Variants in SSX2IP observed in about 807,000 individuals in gnomAD.
The protein encoded by SSX2IP is afadin- and alpha-actinin-binding protein.
In SSX2IP, 55 loss-of-function variants were observed where a neutral mutation model predicts 84.9. The ratio of observed to expected loss-of-function variants is 0.65; its 90% confidence interval spans 0.52 to 0.81. The LOEUF (loss-of-function observed/expected upper bound fraction) is 0.81. Ranked by LOEUF, SSX2IP falls within the 30% of genes least tolerant of loss-of-function variation. The probability of loss-of-function intolerance (pLI) is 0.00; values close to 1 mark genes in which losing one functional copy is unlikely to be tolerated. For missense variants in SSX2IP, 664 were observed against 705.2 expected, an observed-to-expected ratio of 0.94 and a Z score of 0.66; for synonymous variants, 239 against 234.7, an observed-to-expected ratio of 1.02 and a Z score of -0.17.
chr1:84,654,947 G>T (rs1650858725), intron 11 of SSX2IP, among the ~76,000 whole-genome samples: 1 of 152,058 alleles, frequency 6.6e-6, no homozygotes. Flanking sequence ...TCACTGCAGG[G>T]ATGAACTGAT....
chr1:84,645,433 T>G lies in SSX2IP; in HGVS notation c.*2000A>C, dbSNP rs1649350271. ...GCTGTTTCTTTCACACTTTAGATTT[T>G]AAAAGTACGTCTCAAGGAATCTTTC... On this transcript the variant is annotated 3_prime_UTR_variant, in exon 14 of 14. Transcript: ENST00000342203. 1 of 152,196 alleles carries G rather than the reference T, an allele frequency of 6.6e-6. No homozygotes were observed. Among genetic ancestry groups the G allele is most frequent in the African/African-American group, 2.4e-5 (1 of 41,450 alleles). The allele number at this position is 152,196 out of a possible 1,614,324, so 9.4% of individuals were successfully genotyped here.
intron 6 of SSX2IP, among the ~76,000 whole-genome samples, chr1:84,663,922 GGAAA>G (rs1652398089): frequency 6.6e-6 from 1 of 151,962 alleles, no homozygotes; most frequent in African/African-American, 2.4e-5. Context: ...ACTACTATTA[GGAAA>G]AAAGTATACC....
intron 1 of SSX2IP, among the ~76,000 whole-genome samples, chr1:84,676,803 A>ATCTCAGCC (rs1654415706): frequency 7.4e-6 from 1 of 135,582 alleles, no homozygotes; most frequent in South Asian, 2.3e-4. Flanking sequence ...GCTCAATGCT[A>ATCTCAGCC]TCTCAGCCTC....
intron 13 of SSX2IP, chr1:84,650,133 T>C: frequency 1.6e-6 from 1 of 617,468 alleles, no homozygotes; most frequent in East Asian, 2.7e-5. Context: ...TCATATGATT[T>C]ACCTCCAAGA....
chr1:84,651,999 T>C lies in SSX2IP; in HGVS notation c.1390-2A>G. The C allele has an allele frequency of 6.2e-7, 1 of 1,603,580 alleles. No individual in the cohort carries two copies. Among genetic ancestry groups the C allele is most frequent in the South Asian group, 1.1e-5 (1 of 90,752 alleles). ...TCTTTCTTCTTCAAATGCCTTTCTC[T>C]ACCATAAACAGCCAAAGAAATAATG... On this transcript the variant is annotated splice_acceptor_variant, in intron 11 of 13. Transcript: ENST00000342203. LOFTEE classifies it high-confidence loss of function.
At chr1:84,660,654 A>G (rs895719887) in intron 8 of SSX2IP, among the ~76,000 whole-genome samples, 7 of 151,938 alleles carry the variant, frequency 4.6e-5, no homozygotes, top group African/African-American at 1.7e-4. Context: ...AATCCCAGCT[A>G]CTCTGGAGGC....
chr1:84,689,741 CGTT>C (rs1656318779), intron 1 of SSX2IP, among the ~76,000 whole-genome samples: 2 of 152,196 alleles, frequency 1.3e-5, no homozygotes. Flanking sequence ...AGTTTACTGT[CGTT>C]GACTATAAAA....
At chr1:84,664,734 A>G (rs1240249436) in intron 5 of SSX2IP, among the ~76,000 whole-genome samples, 182 bp from the exon 6 acceptor site, 2 of 152,082 alleles carry the variant, frequency 1.3e-5, no homozygotes, top group Non-Finnish European at 2.9e-5. Flanking sequence ...TTAATTCTGA[A>G]ATTTCCAGAA....
chr1:84,664,274 T>C (rs1319578836), intron 6 of SSX2IP, 143 bp downstream of exon 6: 7 of 864,200 alleles, frequency 8.1e-6, no homozygotes, highest in Middle Eastern at 3.9e-4. Flanking sequence ...ACATTTTTTA[T>C]ATAAACAAAC....
At chr1:84,650,288 T>C in intron 13 of SSX2IP, 74 bp downstream of exon 13, 1 of 1,443,672 alleles carries the variant, frequency 6.9e-7, no homozygotes, top group Non-Finnish European at 9.8e-7. Context: ...ACTACAGACA[T>C]GCCACCTTTC....
At chr1:84,650,102 T>A in intron 13 of SSX2IP, 1 of 619,292 alleles carries the variant, frequency 1.6e-6, no homozygotes, top group Non-Finnish European at 2.9e-6. Context: ...GTATCTTAAA[T>A]GTGAAATAAA....
chr1:84,673,403 A>G (rs1355331163), intron 1 of SSX2IP, among the ~76,000 whole-genome samples: 4 of 152,228 alleles, frequency 2.6e-5, no homozygotes, highest in African/African-American at 9.6e-5. Flanking sequence ...GTTAACGATG[A>G]AAAACAGAGA....
Position 84,666,240 on chromosome 1 carries a change from A to T in SSX2IP, c.427-8T>A. ...GGAGGTTTCCAGTTGTTCCTAAAAC[A>T]TTTATAAGCAATTTTGCTTAAAATT... On this transcript the variant is annotated splice_polypyrimidine_tract_variant and splice_region_variant and intron_variant, in intron 4 of 13. Coordinates refer to ENST00000342203, the MANE Select transcript of SSX2IP (RefSeq NM_001166293.2). 1.3e-6 allele frequency: 2 copies of T among 1,599,438 alleles called. No individual in the cohort carries two copies. Among genetic ancestry groups the T allele is most frequent in the Non-Finnish European group, 1.7e-6 (2 of 1,171,718 alleles).
intron 10 of SSX2IP, 130 bp from the exon 11 acceptor site, chr1:84,656,135 A>T: frequency 9.9e-7 from 1 of 1,013,020 alleles, no homozygotes; most frequent in Non-Finnish European, 1.4e-6. Flanking sequence ...AAAAAGTCAA[A>T]TGAGAATTCT....
intron 3 of SSX2IP, 74 bp downstream of exon 3, chr1:84,670,572 G>T: frequency 9.0e-7 from 1 of 1,105,180 alleles, no homozygotes; most frequent in South Asian, 2.0e-5. Context: ...TTTGACAAAT[G>T]TTTTTCTCAT....
chr1:84,667,055 A>T (rs2911567), intron 4 of SSX2IP, among the ~76,000 whole-genome samples: 3 of 151,654 alleles, frequency 2.0e-5, no homozygotes, highest in Admixed American at 1.3e-4. Flanking sequence ...GTTTTTGGCA[A>T]CCTTTTTTTT....
Position 84,644,603 on chromosome 1 carries a change from C to G in SSX2IP, c.*2830G>C, listed in dbSNP as rs1263068346. 6.6e-6 allele frequency: 1 copy of G among 152,204 alleles called. No individual in the cohort carries two copies. The highest frequency in any genetic ancestry group is 1.9e-4 in the East Asian group (1 of 5,206). 9.4% of individuals were successfully genotyped at this position (152,204 alleles called of 1,614,324 possible). A position where few individuals can be genotyped will look rare whatever the true frequency, so the allele number is the denominator to read the frequency against. ...TACAACATAGTAATCACAGCAGGGT[C>G]TTGCTAACTCACAAATTTAGCATAC... On this transcript the variant is annotated 3_prime_UTR_variant, in exon 14 of 14. Coordinates refer to ENST00000342203, the MANE Select transcript of SSX2IP (RefSeq NM_001166293.2).
rs751496134 is a variant in SSX2IP at position 84,670,825 on chromosome 1, T to A, written c.44-10A>T. 10 of 1,594,540 alleles carry A rather than the reference T, an allele frequency of 6.3e-6. No homozygotes were observed. Among genetic ancestry groups the A allele is most frequent in the Non-Finnish European group, 8.5e-7 (1 of 1,171,096 alleles). ...GAGATAGTTTTGCTTTCTGAAAGAA[T>A]AAAAGGCATCTATATAAATAATTTA... On this transcript the variant is annotated splice_polypyrimidine_tract_variant and intron_variant, in intron 2 of 13. Coordinates refer to ENST00000342203, the MANE Select transcript of SSX2IP (RefSeq NM_001166293.2).
At position 84,647,364 on chromosome 1, in the gene SSX2IP, C is replaced by G; in HGVS notation, c.*69G>C. The G allele has an allele frequency of 7.3e-7, 1 of 1,377,688 alleles. No individual in the cohort carries two copies. The highest frequency in any genetic ancestry group is 9.8e-7 in the Non-Finnish European group (1 of 1,023,922). The allele number at this position is 1,377,688 out of a possible 1,614,324, so 85.3% of individuals were successfully genotyped here. ...TTATTAGAGATAACTGACTTTATGA[C>G]ACACCCTGTTTCAACTTAGATGTGA... On this transcript the variant is annotated 3_prime_UTR_variant, in exon 14 of 14. Coordinates refer to ENST00000342203, the MANE Select transcript of SSX2IP (RefSeq NM_001166293.2).
Sources: gnomAD v4.1 joint callset for allele counts (sites outside exome capture counted in the v4.1 genomes callset) on GRCh38, gnomAD v4.1.1 for gene constraint, MANE v1.5 for transcripts, NCBI Gene and HGNC (gene_info 2026-07-23, HGNC 2026-07-21) for gene names.